CELF2: variants seen among roughly 807,000 people sequenced by gnomAD.
CELF2 encodes CUGBP Elav-like family member 2.
A neutral mutation model predicts 62.6 loss-of-function variants in CELF2; 8 were observed. The ratio of observed to expected loss-of-function variants is 0.13; its 90% CI spans 0.07 to 0.23. CELF2 has a LOEUF of 0.23. Ranked by LOEUF, CELF2 falls within the 10% of genes least tolerant of loss-of-function variation. The pLI, the probability that CELF2 is intolerant of heterozygous loss-of-function variation, is 1.00. For missense variants in CELF2, 333 were observed against 671.0 expected, an observed-to-expected ratio of 0.50 and a Z score of 5.56; for synonymous variants, 258 against 250.0, an observed-to-expected ratio of 1.03 and a Z score of -0.30.
chr10:10,532,974 G>A, the CELF2 span, among the ~76,000 whole-genome samples: 2 of 151,442 alleles, frequency 1.3e-5, no homozygotes, highest in African/African-American at 2.4e-5. Context: ...GAATTTTCAT[G>A]AACTTAGCAT....
At chr10:10,752,184 T>C in the CELF2 span, among the ~76,000 whole-genome samples, 1 of 152,136 alleles carries the variant, frequency 6.6e-6, no homozygotes, top group Non-Finnish European at 1.5e-5. Context: ...CAGGAGAGAG[T>C]CAGGCCTGGG....
chr10:10,698,933 T>C, the CELF2 span, among the ~76,000 whole-genome samples: 1 of 152,168 alleles, frequency 6.6e-6, no homozygotes. Flanking sequence ...TAGGTAAATA[T>C]ATAATATACT....
chr10:11,182,549 G>T (rs962656331), intron 2 of CELF2, among the ~76,000 whole-genome samples: 12 of 152,176 alleles, frequency 7.9e-5, no homozygotes, highest in Non-Finnish European at 1.5e-4. Flanking sequence ...TGAGGACTTG[G>T]ATTATAACAT....
At chr10:10,748,731 G>C in the CELF2 span, among the ~76,000 whole-genome samples, 1 of 122,512 alleles carries the variant, frequency 8.2e-6, no homozygotes, top group Admixed American at 1.1e-4. Flanking sequence ...CTGGGTGACA[G>C]AGCGAGACTC....
chr10:11,198,317 C>T lies in CELF2; in HGVS notation c.272-19108C>T, dbSNP rs1428877408. ...TGATAAAAACTGCATTCAGCAAGCCCTTTCCCAAATTGGGTAGTTCTATTT... is the reference window on the plus strand; with the variant it reads ...TGATAAAAACTGCATTCAGCAAGCCTTTTCCCAAATTGGGTAGTTCTATTT... On this transcript the variant is annotated intron_variant, in intron 2 of 12. Transcript: ENST00000633077. Among the ~76,000 whole-genome samples, 5 of 152,352 alleles carry T rather than the reference C, an allele frequency of 3.3e-5. No individual in the cohort carries two copies. In the East Asian group the frequency reaches 7.7e-4, roughly 23 times the overall value.
intron 1 of CELF2, among the ~76,000 whole-genome samples, chr10:10,875,409 A>C (rs2061019286): frequency 6.6e-6 from 1 of 152,204 alleles, no homozygotes; most frequent in Non-Finnish European, 1.5e-5. Flanking sequence ...ATTTTTATAT[A>C]GTCTGCTCCA....
the CELF2 span, among the ~76,000 whole-genome samples, chr10:10,780,262 A>G: frequency 5.5e-4 from 84 of 152,252 alleles, 2 homozygotes; most frequent in South Asian, 0.015. Context: ...GAGCTTCCCA[A>G]TCTCCCCTAA....
chr10:10,874,092 G>T (rs111575631), intron 1 of CELF2, among the ~76,000 whole-genome samples: 9 of 152,260 alleles, frequency 5.9e-5, no homozygotes, highest in Admixed American at 4.6e-4. Flanking sequence ...AGCCAGGCTC[G>T]CTTGAGCCCA....
At chr10:10,564,682 GCACA>G in the CELF2 span, among the ~76,000 whole-genome samples, 632 of 130,746 alleles carry the variant, frequency 4.8e-3, 1 homozygote, top group African/African-American at 9.3e-3. Flanking sequence ...ACGCACACAC[GCACA>G]CACACACACA....
At chr10:10,565,081 A>G in the CELF2 span, among the ~76,000 whole-genome samples, 1 of 152,224 alleles carries the variant, frequency 6.6e-6, no homozygotes. Context: ...GCCTGGCTCC[A>G]GAGCCCATGT....
At chr10:10,686,478 G>A in the CELF2 span, among the ~76,000 whole-genome samples, 1 of 152,222 alleles carries the variant, frequency 6.6e-6, no homozygotes, top group Middle Eastern at 3.4e-3. Flanking sequence ...GTTTGGCTCT[G>A]TGTCCCCACC....
the CELF2 span, among the ~76,000 whole-genome samples, chr10:10,619,351 G>C: frequency 6.6e-6 from 1 of 152,190 alleles, no homozygotes; most frequent in African/African-American, 2.4e-5. Flanking sequence ...GTAGGTATTT[G>C]TTAAAGTGCT....
At chr10:10,789,593 T>C in the CELF2 span, among the ~76,000 whole-genome samples, 2 of 152,166 alleles carry the variant, frequency 1.3e-5, no homozygotes, top group Admixed American at 1.3e-4. Flanking sequence ...CATATATGAG[T>C]GGGCCTATTT....
the CELF2 span, among the ~76,000 whole-genome samples, chr10:10,758,188 C>T: frequency 4.6e-5 from 7 of 152,130 alleles, no homozygotes; most frequent in Admixed American, 6.5e-5. Context: ...AAGTGAAGCA[C>T]GGCTGGAGAG....
intron 1 of CELF2, among the ~76,000 whole-genome samples, chr10:10,822,759 T>C (rs920327617): frequency 6.6e-6 from 1 of 152,216 alleles, no homozygotes; most frequent in Non-Finnish European, 1.5e-5. Context: ...AGAGAGAACA[T>C]GTTTTTGAAC....
At chr10:10,566,628 C>T in the CELF2 span, among the ~76,000 whole-genome samples, 2 of 143,198 alleles carry the variant, frequency 1.4e-5, no homozygotes, top group African/African-American at 5.2e-5. Context: ...TCCAAGTGAT[C>T]TCATTGTTCA....
chr10:10,909,793 G>T (rs2063652039), intron 1 of CELF2, among the ~76,000 whole-genome samples: 1 of 152,204 alleles, frequency 6.6e-6, no homozygotes, highest in African/African-American at 2.4e-5. Flanking sequence ...TTGTCATTAT[G>T]TATTCATTTG....
At chr10:11,228,844 C>A (rs919758684) in intron 3 of CELF2, among the ~76,000 whole-genome samples, 2 of 152,064 alleles carry the variant, frequency 1.3e-5, no homozygotes, top group Non-Finnish European at 1.5e-5. Flanking sequence ...CTCTGCAGGT[C>A]ACTGACAAAA....
At chr10:11,038,333 G>C (rs550985029) in intron 1 of CELF2, among the ~76,000 whole-genome samples, 1 of 152,284 alleles carries the variant, frequency 6.6e-6, no homozygotes, top group Admixed American at 6.5e-5. Flanking sequence ...GAGAAAAAAT[G>C]CTTCTAAGAA....
Sources: allele counts gnomAD v4.1 joint callset (sites outside exome capture counted in the v4.1 genomes callset), GRCh38; gene constraint gnomAD v4.1.1; transcripts MANE v1.5; gene names NCBI Gene and HGNC (gene_info 2026-07-23, HGNC 2026-07-21).